Variants in HYLS1 observed in about 807,000 individuals in gnomAD.
HYLS1 encodes centriolar and ciliogenesis-associated protein HYLS1.
In HYLS1, 25 loss-of-function variants were observed where a neutral mutation model predicts 29.4. The ratio of observed to expected loss-of-function variants is 0.85; its 90% CI spans 0.62 to 1.19. HYLS1 has a LOEUF of 1.19. Ranked by LOEUF, HYLS1 falls within the 50% of genes most tolerant of loss-of-function variation. HYLS1 has a pLI of 0.00. For missense variants in HYLS1, 352 were observed against 365.1 expected, an observed-to-expected ratio of 0.96 and a Z score of 0.29; for synonymous variants, 128 against 126.7, an observed-to-expected ratio of 1.01 and a Z score of -0.07.
chr11:125,888,006 G>C (rs1274447049), intron 1 of HYLS1: 1 of 152,448 alleles, frequency 6.6e-6, no homozygotes, highest in East Asian at 1.9e-4. Context: ...TGGAGGTCAC[G>C]GTGTGCGCTG....
In HYLS1 at chr11:125,893,822, C is replaced by T. The variant is rs750439608; in HGVS notation, c.-26+2350C>T. 23 of 1,613,856 alleles carry T rather than the reference C, an allele frequency of 1.4e-5. No homozygotes were observed. The highest frequency in any genetic ancestry group is 1.6e-4 in the Middle Eastern group (1 of 6,062). The stretch of plus-strand genomic sequence containing the variant: ...TTTAATTTCTGTGTCAACACAGACC[C>T]TCTTCGTTGGTGTCTCCAAATTAGT... On this transcript the variant is annotated intron_variant, in intron 2 of 2. Transcript: ENST00000425380.
At chr11:125,888,782 AAAAAAGAG>A (rs1944356930) in intron 1 of HYLS1, among the ~76,000 whole-genome samples, 3 of 136,988 alleles carry the variant, frequency 2.2e-5, no homozygotes, top group Non-Finnish European at 3.1e-5. Flanking sequence ...AAAAAAAAAA[AAAAAAGAG>A]AAAAGAAAAA....
intron 1 of HYLS1, among the ~76,000 whole-genome samples, chr11:125,890,854 GA>G (rs1001203182): frequency 4.6e-5 from 7 of 151,192 alleles, no homozygotes; most frequent in African/African-American, 1.5e-4. Context: ...TATGTTCAAG[GA>G]AAAAAATAGG....
At chr11:125,895,489 T>C (rs775846693) in intron 2 of HYLS1, 1 of 1,614,206 alleles carries the variant, frequency 6.2e-7, no homozygotes, top group Admixed American at 1.7e-5. Context: ...ACATCCATTT[T>C]ACACAAGTTC....
At chr11:125,899,050 A>T (rs1356577039) in intron 2 of HYLS1, 1 of 313,586 alleles carries the variant, frequency 3.2e-6, no homozygotes, top group Non-Finnish European at 5.9e-6. Flanking sequence ...AGTATGCCCC[A>T]TATCATGTAG....
In HYLS1 at chr11:125,900,080, C is replaced by T. The variant is rs367894289; in HGVS notation, c.712C>T (p.Arg238Cys). The T allele has an allele frequency of 4.6e-5, 74 of 1,614,026 alleles. No homozygotes were observed. The highest frequency in any genetic ancestry group is 5.8e-5 in the Non-Finnish European group (68 of 1,180,038). Residue 238 changes from arginine (R) to cysteine (C), a missense_variant, in exon 3 of 3, where the codon CGC (arginine) becomes TGC (cysteine). Transcript: ENST00000425380. The stretch of plus-strand genomic sequence containing the variant: ...TGGTGAAGATCATAGAAAGGAATTA[C>T]GCTGGGGTGTCCGAGAGCAGATGCT... ...LPGEDHRKEL[R>C]WGVREQMLCR...
At chr11:125,899,149 A>G in intron 2 of HYLS1, 195 bp from the exon 3 acceptor site, 1 of 552,282 alleles carries the variant, frequency 1.8e-6, no homozygotes, top group Non-Finnish European at 3.2e-6. Context: ...AAGAGTGGAA[A>G]TGAAAGCAGG....
intron 2 of HYLS1, chr11:125,896,374 C>T (rs1206150683): frequency 8.0e-7 from 1 of 1,255,480 alleles, no homozygotes; most frequent in African/African-American, 1.5e-5. Flanking sequence ...ATGCTAGTTC[C>T]TTTGATGATG....
rs1217594447 is a variant in HYLS1, at chr11:125,900,127, C to T, written c.759C>T (p.Ser253=). 5.0e-6 allele frequency: 8 copies of T among 1,614,042 alleles called. No homozygotes were observed. The highest frequency in any genetic ancestry group is 2.2e-5 in the South Asian group (2 of 91,074). The change falls in exon 3 of 3, where the codon TCC becomes TCT. Residue 253 remains serine, a synonymous_variant. Transcript: ENST00000425380. ...TGCTTTGTCGAGCAGAACCCCAATC[C>T]AAACCTCAGCATATATATGTCCCAA... ...EQMLCRAEPQ[S]KPQHIYVPNN...
Position 125,900,193 on chromosome 11 carries a change from C to G in HYLS1, c.825C>G (p.Leu275=). 1 of 1,614,168 alleles carries G rather than the reference C, an allele frequency of 6.2e-7. No individual in the cohort carries two copies. Among genetic ancestry groups the G allele is most frequent in the Non-Finnish European group, 8.5e-7 (1 of 1,180,018 alleles). ...CAACAGAGAAGAAAAGGTCTGCACT[C>G]CGTTGGGGTGTTCGTTGTGACCTTG... is the stretch of plus-strand genomic sequence containing the variant. ...LVPTEKKRSA[L]RWGVRCDLAN... is the part of the protein sequence containing the mutation. Residue 275 remains leucine, a synonymous_variant, in exon 3 of 3, where the codon CTC becomes CTG. Coordinates refer to ENST00000425380, the MANE Select transcript of HYLS1 (RefSeq NM_001134793.2).
At chr11:125,899,265 TA>T (rs1944683196) in intron 2 of HYLS1, 78 bp from the exon 3 acceptor site, 1 of 989,698 alleles carries the variant, frequency 1.0e-6, no homozygotes, top group Non-Finnish European at 1.5e-6. Context: ...TTGACTGCTA[TA>T]AAACGGAGAT....
At chr11:125,898,070 G>A (rs959588380) in intron 2 of HYLS1, among the ~76,000 whole-genome samples, 1 of 152,124 alleles carries the variant, frequency 6.6e-6, no homozygotes, top group African/African-American at 2.4e-5. Flanking sequence ...GTTCAGAAGA[G>A]TTGTGTAGTG....
rs749052952 is a variant in HYLS1 at position 125,895,295 on chromosome 11, T to G, written c.-26+3823T>G. ...CAATAATCTCTGGCTTCTCCATTCC[T>G]TGGCCAATCAGAAAGAGGATAGCCA... On this transcript the variant is annotated intron_variant, in intron 2 of 2. Transcript: ENST00000425380. 3.4e-5 allele frequency: 55 copies of G among 1,613,504 alleles called. No individual in the cohort carries two copies. The highest frequency in any genetic ancestry group is 4.4e-5 in the Non-Finnish European group (52 of 1,179,846).
intron 2 of HYLS1, chr11:125,895,442 T>A: frequency 6.2e-7 from 1 of 1,614,106 alleles, no homozygotes; most frequent in Non-Finnish European, 8.5e-7. Flanking sequence ...CTTGAGCAGA[T>A]AGAATAGTCC....
chr11:125,885,568 G>C (rs542202644), upstream of HYLS1, among the ~76,000 whole-genome samples: 136 of 152,346 alleles, frequency 8.9e-4, 1 homozygote, highest in Admixed American at 8.9e-3. Flanking sequence ...AAGACAGATT[G>C]GAGATTCAAA....
intron 2 of HYLS1, chr11:125,895,386 G>T (rs766727713): frequency 6.2e-7 from 1 of 1,614,176 alleles, no homozygotes; most frequent in South Asian, 1.1e-5. Context: ...TAACTGGAAA[G>T]GTTCTTGCCA....
chr11:125,888,418 T>A (rs952816351), intron 1 of HYLS1, among the ~76,000 whole-genome samples: 1 of 152,168 alleles, frequency 6.6e-6, no homozygotes, highest in Non-Finnish European at 1.5e-5. Flanking sequence ...AGCAAGCACC[T>A]TTATGGCCTG....
upstream of HYLS1, among the ~76,000 whole-genome samples, chr11:125,886,610 A>C (rs1227701312): frequency 6.9e-6 from 1 of 145,342 alleles, no homozygotes; most frequent in Non-Finnish European, 1.5e-5. Flanking sequence ...TTACAGGTAC[A>C]GATGCAAAAA....
At position 125,900,643 on chromosome 11, in the gene HYLS1, T is replaced by C. The variant is rs1944744325; in HGVS notation, c.*375T>C. On this transcript the variant is annotated 3_prime_UTR_variant, in exon 3 of 3. Coordinates refer to ENST00000425380, the MANE Select transcript of HYLS1 (RefSeq NM_001134793.2). Reference sequence around the variant, plus strand: ...CTTACCAATTAAAGAATTTTGGAAATTCATGAACTTGAACATTATTTCATG... The same window carrying C: ...CTTACCAATTAAAGAATTTTGGAAACTCATGAACTTGAACATTATTTCATG... 3.8e-6 allele frequency: 1 copy of C among 265,414 alleles called. No homozygotes were observed. The highest frequency in any genetic ancestry group is 4.7e-5 in the South Asian group (1 of 21,246). 16.4% of individuals were successfully genotyped at this position (265,414 alleles called of 1,614,324 possible).
Sources: gnomAD v4.1 joint callset for allele counts (sites outside exome capture counted in the v4.1 genomes callset) on GRCh38, gnomAD v4.1.1 for gene constraint, MANE v1.5 for transcripts, NCBI Gene and HGNC (gene_info 2026-07-23, HGNC 2026-07-21) for gene names.